The following TRPC4 variants were observed in gnomAD, a reference collection of about 807,000 sequenced individuals.
The protein encoded by TRPC4 is short transient receptor potential channel 4.
TRPC4 carries 49 observed loss-of-function variants against 99.4 expected under a neutral mutation model. The ratio of observed to expected loss-of-function variants is 0.49; its 90% CI spans 0.39 to 0.63. The LOEUF is 0.63. TRPC4 is among the 20% of genes least tolerant of loss of function. TRPC4 has a pLI of 0.00. For missense variants in TRPC4, 898 were observed against 1,152.9 expected (o/e 0.78, Z 3.20); for synonymous variants, 454 against 425.9 (o/e 1.07, Z -0.81).
At chr13:37,719,459 G>T (rs748100447) in intron 3 of TRPC4, among the ~76,000 whole-genome samples, 2 of 151,866 alleles carry the variant, frequency 1.3e-5, no homozygotes, top group African/African-American at 4.8e-5. Flanking sequence ...GGATTCTTCT[G>T]GTTTAAAGGA....
intron 1 of TRPC4, among the ~76,000 whole-genome samples, chr13:37,817,086 C>T (rs188001437): frequency 6.6e-6 from 1 of 152,182 alleles, no homozygotes; most frequent in East Asian, 1.9e-4. Flanking sequence ...CAAACTATCC[C>T]TGTTTGCAGA....
rs138324923 is a variant in TRPC4, at chr13:37,681,774, G to A, written c.1235-7407C>T. 5.3e-3 allele frequency among the ~76,000 whole-genome samples: 813 copies of A among 152,266 alleles called. 6 individuals carry two copies. Among genetic ancestry groups the A allele is most frequent in the African/African-American group, 0.019 (774 of 41,530 alleles). On this transcript the variant is annotated intron_variant, in intron 4 of 10. Coordinates refer to ENST00000379705, the MANE Select transcript of TRPC4 (RefSeq NM_016179.4). ...CCCGCAATGGGAACATTTCGAAATT[G>A]CTCTTTGCTGTTTATAAACAGAAGA...
intron 2 of TRPC4, among the ~76,000 whole-genome samples, chr13:37,781,596 GA>G (rs1956843295): frequency 6.6e-6 from 1 of 152,024 alleles, no homozygotes; most frequent in Non-Finnish European, 1.5e-5. Flanking sequence ...GTTCACGTTT[GA>G]AAGAATACAA....
chr13:37,790,722 A>G (rs1429455355), intron 1 of TRPC4, among the ~76,000 whole-genome samples: 1 of 152,178 alleles, frequency 6.6e-6, no homozygotes, highest in African/African-American at 2.4e-5. Flanking sequence ...CCAACTGAGC[A>G]CAGGCCAGAA....
intron 8 of TRPC4, among the ~76,000 whole-genome samples, chr13:37,649,296 C>T (rs906021103): frequency 9.9e-5 from 15 of 152,072 alleles, no homozygotes; most frequent in African/African-American, 3.4e-4. Context: ...AAATATACTA[C>T]ATAACATATC....
rs891731641 is a variant in TRPC4, at chr13:37,741,678, T to C, written c.897+4259A>G. Among the ~76,000 whole-genome samples, 16 of 152,160 alleles carry C rather than the reference T, an allele frequency of 1.1e-4. No individual in the cohort carries two copies. In the East Asian group the frequency reaches 2.1e-3, roughly 20 times the overall value. The stretch of plus-strand genomic sequence containing the variant: ...CAACGTGAAAGCAAAGAAAACTTCA[T>C]GTCAAAATGCAAGGCTTTCATTACG... On this transcript the variant is annotated intron_variant, in intron 3 of 10. Coordinates refer to ENST00000379705, the MANE Select transcript of TRPC4 (RefSeq NM_016179.4).
At chr13:37,798,314 G>A (rs1011126356) in intron 1 of TRPC4, among the ~76,000 whole-genome samples, 2 of 151,996 alleles carry the variant, frequency 1.3e-5, no homozygotes, top group Non-Finnish European at 2.9e-5. Context: ...TCTGCTTCTT[G>A]ATGATCCAGC....
At chr13:37,739,060 G>A (rs977573494) in intron 3 of TRPC4, among the ~76,000 whole-genome samples, 2 of 152,134 alleles carry the variant, frequency 1.3e-5, no homozygotes, top group African/African-American at 2.4e-5. Context: ...TAGAGGCAAG[G>A]TGTTCAACTG....
intron 2 of TRPC4, among the ~76,000 whole-genome samples, chr13:37,772,497 A>G (rs1409378857): frequency 6.6e-6 from 1 of 151,614 alleles, no homozygotes; most frequent in Non-Finnish European, 1.5e-5. Context: ...CTGCATGTGT[A>G]TATATATATA....
chr13:37,767,610 T>C (rs140305667), intron 2 of TRPC4, among the ~76,000 whole-genome samples: 3 of 151,484 alleles, frequency 2.0e-5, no homozygotes, highest in African/African-American at 7.2e-5. Flanking sequence ...ACATAATTTC[T>C]TAACAAAGGT....
In TRPC4 at chr13:37,704,175, A is replaced by G. The variant is rs565060175; in HGVS notation, c.898-11840T>C. 3.4e-4 allele frequency among the ~76,000 whole-genome samples: 52 copies of G among 152,338 alleles called. No homozygotes were observed. The South Asian group carries it at 7.7e-3, about 22-fold the overall frequency. On this transcript the variant is annotated intron_variant, in intron 3 of 10. Transcript: ENST00000379705. ...CTAGAAAATAAAAACTAATCTAGTG[A>G]CAGGCAGCAGATCAACAGTTGCCTA...
chr13:37,754,498 T>A (rs955674723), intron 2 of TRPC4, among the ~76,000 whole-genome samples: 3 of 152,118 alleles, frequency 2.0e-5, no homozygotes, highest in Non-Finnish European at 4.4e-5. Context: ...CAGGAAAACA[T>A]ATTGGCATTA....
chr13:37,692,359 G>A (rs1172120475), intron 3 of TRPC4, 24 bp from the exon 4 acceptor site: 4 of 1,588,028 alleles, frequency 2.5e-6, no homozygotes, highest in African/African-American at 2.7e-5. Context: ...AAAGGAAAAG[G>A]AAAAATAAGT....
chr13:37,678,799 A>G (rs1209812271), intron 4 of TRPC4, among the ~76,000 whole-genome samples: 2 of 152,140 alleles, frequency 1.3e-5, no homozygotes, highest in Non-Finnish European at 2.9e-5. Context: ...CTACACACCA[A>G]TAGCCCTTAT....
rs559296353 is a variant in TRPC4 at position 37,750,043 on chromosome 13, A to G, written c.379-3588T>C. 5.3e-5 allele frequency among the ~76,000 whole-genome samples: 8 copies of G among 152,260 alleles called. No homozygotes were observed. In the South Asian group the frequency reaches 1.7e-3, roughly 32 times the overall value. ...TCACAGATTTAATGGTTATCAGTAT[A>G]AGTAACTTTCACACACTTTGAAAAT... is the stretch of plus-strand genomic sequence containing the variant. On this transcript the variant is annotated intron_variant, in intron 2 of 10. Coordinates refer to ENST00000379705, the MANE Select transcript of TRPC4 (RefSeq NM_016179.4).
intron 6 of TRPC4, among the ~76,000 whole-genome samples, chr13:37,657,927 A>T (rs1413575247): frequency 6.6e-6 from 1 of 152,138 alleles, no homozygotes; most frequent in African/African-American, 2.4e-5. Flanking sequence ...GACTAGTTCC[A>T]CTTAACTAAA....
intron 1 of TRPC4, among the ~76,000 whole-genome samples, chr13:37,830,414 A>C (rs1028383198): frequency 6.6e-6 from 1 of 152,064 alleles, no homozygotes; most frequent in African/African-American, 2.4e-5. Flanking sequence ...AATTCTTTTT[A>C]AAGAGAATTG....
chr13:37,767,960 A>T (rs1168272529), intron 2 of TRPC4, among the ~76,000 whole-genome samples: 1 of 151,476 alleles, frequency 6.6e-6, no homozygotes, highest in South Asian at 2.1e-4. Flanking sequence ...AGACCATCAC[A>T]GTTCAATGGA....
At chr13:37,777,706 AAC>A (rs1486882939) in intron 2 of TRPC4, among the ~76,000 whole-genome samples, 1 of 152,060 alleles carries the variant, frequency 6.6e-6, no homozygotes, top group African/African-American at 2.4e-5. Flanking sequence ...ATAATGGCAT[AAC>A]ACAGTAATAA....
Sources: gnomAD v4.1 joint callset for allele counts (sites outside exome capture counted in the v4.1 genomes callset) on GRCh38, gnomAD v4.1.1 for gene constraint, MANE v1.5 for transcripts, NCBI Gene and HGNC (gene_info 2026-07-23, HGNC 2026-07-21) for gene names.